Variants in DISC1 observed in about 807,000 individuals in gnomAD.
The protein encoded by DISC1 is disrupted in schizophrenia 1 protein.
A neutral mutation model predicts 84.5 loss-of-function variants in DISC1; 57 were observed. The ratio of observed to expected loss-of-function variants is 0.67; its 90% CI spans 0.55 to 0.84. The LOEUF (loss-of-function observed/expected upper bound fraction) is 0.84. DISC1 is among the 40% of genes least tolerant of loss of function. The pLI, the probability that DISC1 is intolerant of heterozygous loss-of-function variation, is 0.00. For synonymous variants in DISC1, 411 were observed against 415.2 expected, an observed-to-expected ratio of 0.99 and a Z score of 0.12; for missense variants, 1,000 against 1,057.8, an observed-to-expected ratio of 0.95 and a Z score of 0.76.
intron 3 of DISC1, chr1:231,722,673 C>T (rs752660653): frequency 2.5e-6 from 4 of 1,607,996 alleles, no homozygotes; most frequent in African/African-American, 1.3e-5. Flanking sequence ...CTTCTTTAGA[C>T]ATCATGAAAA....
intron 1 of DISC1, among the ~76,000 whole-genome samples, chr1:231,662,170 A>G (rs1348845717): frequency 6.6e-6 from 1 of 152,166 alleles, no homozygotes; most frequent in African/African-American, 2.4e-5. Flanking sequence ...GCCAGAACAT[A>G]TCTGTAAGAG....
At chr1:231,756,547 GAGAGAGA>G (rs2075151849) in intron 4 of DISC1, among the ~76,000 whole-genome samples, 1 of 129,560 alleles carries the variant, frequency 7.7e-6, no homozygotes, top group Non-Finnish European at 1.8e-5. Context: ...GAGAGAGAGA[GAGAGAGA>G]GAGAGAGAGA....
Position 232,009,419 on chromosome 1 carries a change from AT to A in DISC1, c.2307+371del. On this transcript the variant is annotated intron_variant, in intron 11 of 12. Transcript: ENST00000439617. This position sits in a 1 kb window ranked among gnomAD's most constrained non-coding sequence, Gnocchi z 4.6. ...ATATGCCATACATGATATTTAACAT[AT>A]ATACTATACATTATGTATTGTATGT... 1.5e-6 allele frequency: 1 copy of A among 657,950 alleles called. No individual in the cohort carries two copies. Among genetic ancestry groups the A allele is most frequent in the Non-Finnish European group, 1.9e-6 (1 of 525,982 alleles). The allele number at this position is 657,950 out of a possible 1,614,324, so 40.8% of individuals were successfully genotyped here.
intron 9 of DISC1, among the ~76,000 whole-genome samples, chr1:231,886,982 C>T (rs1056023021): frequency 6.6e-6 from 1 of 151,620 alleles, no homozygotes; most frequent in Admixed American, 6.6e-5. Context: ...CTGCCTCAGC[C>T]TCCCGAGTAC....
chr1:232,004,610 G>C (rs933435664), intron 10 of DISC1, among the ~76,000 whole-genome samples: 1 of 152,118 alleles, frequency 6.6e-6, no homozygotes, highest in African/African-American at 2.4e-5. Flanking sequence ...TAGGGAACCC[G>C]AGAAAGAAGC....
At chr1:232,013,602 T>G (rs969514460) in intron 11 of DISC1, among the ~76,000 whole-genome samples, 9 of 152,152 alleles carry the variant, frequency 5.9e-5, no homozygotes, top group Non-Finnish European at 1.0e-4. Context: ...CAGGAAAAAC[T>G]ATTTTTATGC....
At chr1:231,748,480 G>A (rs141792038) in intron 3 of DISC1, among the ~76,000 whole-genome samples, 3,932 of 152,236 alleles carry the variant, frequency 0.026, 62 homozygotes, top group Middle Eastern at 0.048. Context: ...AGCTTTTTCT[G>A]CATCTATTGA....
intron 9 of DISC1, among the ~76,000 whole-genome samples, chr1:231,938,272 C>T (rs1162432778): frequency 6.6e-5 from 10 of 152,174 alleles, no homozygotes; most frequent in African/African-American, 2.4e-4. Flanking sequence ...CCAATCTAAT[C>T]ACATGAGCCC....
chr1:231,719,646 T>G (rs552933083), intron 3 of DISC1, among the ~76,000 whole-genome samples: 1 of 152,244 alleles, frequency 6.6e-6, no homozygotes, highest in Non-Finnish European at 1.5e-5. Context: ...GAATGAATGT[T>G]TGTTAAATTA....
chr1:231,720,950 G>C, intron 3 of DISC1: 1 of 1,290,968 alleles, frequency 7.7e-7, no homozygotes, highest in South Asian at 1.2e-5. Context: ...TCTGCAGGAA[G>C]TCACTGGAAG....
intron 9 of DISC1, among the ~76,000 whole-genome samples, chr1:231,933,578 G>C (rs2090797729): frequency 6.6e-6 from 1 of 152,030 alleles, no homozygotes; most frequent in South Asian, 2.1e-4. Context: ...TGGCACACTT[G>C]CTACCTCTTC....
chr1:231,810,424 G>A (rs2080183888), intron 8 of DISC1, among the ~76,000 whole-genome samples: 1 of 152,180 alleles, frequency 6.6e-6, no homozygotes, highest in African/African-American at 2.4e-5. Flanking sequence ...ATTTAGATCA[G>A]TGGCTGCAGG....
At chr1:231,753,440 G>A (rs1313967212) in intron 4 of DISC1, among the ~76,000 whole-genome samples, 2 of 152,228 alleles carry the variant, frequency 1.3e-5, no homozygotes, top group African/African-American at 4.8e-5. Context: ...TCTGGAGTTG[G>A]AAAAACTGAC....
rs946318773 is a variant in DISC1 at position 231,897,254 on chromosome 1, G to A, written c.1982-61574G>A. On this transcript the variant is annotated intron_variant, in intron 9 of 12. Transcript: ENST00000439617. This position sits in a 1 kb window ranked among gnomAD's most constrained non-coding sequence, Gnocchi z 4.5. ...GCCAAACCTCGGTGAACTGACTTGGGTACGCTTCTGCCAGAATAAGAAGAG... is the reference window on the plus strand; with the variant it reads ...GCCAAACCTCGGTGAACTGACTTGGATACGCTTCTGCCAGAATAAGAAGAG... Among the ~76,000 whole-genome samples, 19 of 152,220 alleles carry A rather than the reference G, an allele frequency of 1.2e-4. No homozygotes were observed. The highest frequency in any genetic ancestry group is 4.6e-4 in the African/African-American group (19 of 41,458).
At chr1:231,647,447 T>C (rs964130566) in intron 1 of DISC1, among the ~76,000 whole-genome samples, 1 of 152,258 alleles carries the variant, frequency 6.6e-6, no homozygotes, top group Admixed American at 6.5e-5. Context: ...ACCAGCACCA[T>C]GCTGTTTTGG....
intron 1 of DISC1, among the ~76,000 whole-genome samples, chr1:231,627,818 G>C (rs2058385721): frequency 6.6e-6 from 1 of 152,170 alleles, no homozygotes; most frequent in Non-Finnish European, 1.5e-5. Flanking sequence ...GTGTCGTTAG[G>C]TTTGTTGTAT....
At chr1:231,847,600 A>G (rs190186973) in intron 9 of DISC1, among the ~76,000 whole-genome samples, 117 of 152,158 alleles carry the variant, frequency 7.7e-4, no homozygotes, top group Middle Eastern at 3.4e-3. Flanking sequence ...GCTCCTTCAC[A>G]TGCTGGAACC....
chr1:232,033,751 C>A (rs970895103), intron 12 of DISC1, among the ~76,000 whole-genome samples: 9 of 152,180 alleles, frequency 5.9e-5, no homozygotes, highest in Non-Finnish European at 1.0e-4. Flanking sequence ...AACTGCTTAA[C>A]AGGGAAATGT....
Position 232,040,063 on chromosome 1 carries a change from C to T in DISC1, c.*3232C>T, listed in dbSNP as rs1015427939. 4 of 152,004 alleles carry T rather than the reference C, an allele frequency of 2.6e-5. No homozygotes were observed. The highest frequency in any genetic ancestry group is 4.8e-5 in the African/African-American group (2 of 41,378). The allele number at this position is 152,004 out of a possible 1,614,324, so 9.4% of individuals were successfully genotyped here. On this transcript the variant is annotated 3_prime_UTR_variant, in exon 13 of 13. Coordinates refer to ENST00000439617, the MANE Select transcript of DISC1 (RefSeq NM_018662.3). ...GAGTGCAGTGGCCCCGCAATCTCGG[C>T]TCACTGCAACCTCTACCTCCCAGGT...
Sources: allele counts gnomAD v4.1 joint callset (sites outside exome capture counted in the v4.1 genomes callset), GRCh38; gene constraint gnomAD v4.1.1; non-coding constraint Gnocchi (gnomAD v3.1); transcripts MANE v1.5; gene names NCBI Gene and HGNC (gene_info 2026-07-23, HGNC 2026-07-21).